The following PLEKHA5 variants were observed in gnomAD, a reference collection of about 807,000 sequenced individuals.
PLEKHA5 encodes pleckstrin homology domain-containing family A member 5.
A neutral mutation model predicts 181.9 loss-of-function variants in PLEKHA5; 55 were observed. The observed-to-expected ratio is 0.30, with a 90% confidence interval of 0.24 to 0.38. The LOEUF (loss-of-function observed/expected upper bound fraction) is 0.38. PLEKHA5 is among the 10% of genes least tolerant of loss of function. The probability of loss-of-function intolerance (pLI) is 1.00; values close to 1 mark genes in which losing one functional copy is unlikely to be tolerated. For synonymous variants in PLEKHA5, 535 were observed against 529.4 expected (o/e 1.01, Z -0.15); for missense variants, 1,432 against 1,549.5 (o/e 0.92, Z 1.27).
intron 15 of PLEKHA5, chr12:19,303,893 GCAGCCTCAAC>G (rs1306012895): frequency 3.0e-5 from 4 of 131,880 alleles, no homozygotes; most frequent in African/African-American, 1.1e-4. Context: ...ATGGCTCACT[GCAGCCTCAAC>G]CCCCTAGGCT....
intron 20 of PLEKHA5, among the ~76,000 whole-genome samples, chr12:19,330,022 TC>T: frequency 1.3e-5 from 2 of 151,752 alleles, no homozygotes; most frequent in Middle Eastern, 3.4e-3. Flanking sequence ...CCCAGAGAGG[TC>T]CCGGACAACA....
At chr12:19,318,882 C>CT (rs1305001533) in intron 16 of PLEKHA5, among the ~76,000 whole-genome samples, 1 of 152,202 alleles carries the variant, frequency 6.6e-6, no homozygotes, top group African/African-American at 2.4e-5. Context: ...GATCGCACCA[C>CT]TGCACTCCAG....
In PLEKHA5 at chr12:19,146,726, T is replaced by G. The variant is rs547821689; in HGVS notation, c.227+14276T>G. Among the ~76,000 whole-genome samples the G allele has an allele frequency of 5.3e-5, 8 of 152,216 alleles. No homozygotes were observed. In the South Asian group the frequency reaches 1.7e-3, roughly 32 times the overall value. On this transcript the variant is annotated intron_variant, in intron 3 of 31. Transcript: ENST00000429027. ...CAGAACATAATATACCTTAGACCAG[T>G]TAGAGTTGCCAACAGGAATATGCTC...
intron 3 of PLEKHA5, among the ~76,000 whole-genome samples, chr12:19,196,063 GT>G (rs1410312201): frequency 3.9e-5 from 6 of 152,008 alleles, no homozygotes; most frequent in East Asian, 3.9e-4. Context: ...CAATAGTTAT[GT>G]TTTTTTCCAT....
At chr12:19,143,691 C>T (rs913591331) in intron 3 of PLEKHA5, among the ~76,000 whole-genome samples, 1 of 151,982 alleles carries the variant, frequency 6.6e-6, no homozygotes, top group Admixed American at 6.6e-5. Flanking sequence ...TTCACATTGA[C>T]AGTTAATATG....
In PLEKHA5 at chr12:19,208,058, ACT is replaced by A. The variant is rs1368791021; in HGVS notation, c.228-45878_228-45877del. On this transcript the variant is annotated intron_variant, in intron 3 of 31. Coordinates refer to ENST00000429027, the MANE Select transcript of PLEKHA5 (RefSeq NM_001256470.2). ...ACTCATTCTCTACTCTAGAGAACCT[ACT>A]CTCATACTCTAAAGAACCTAGCATG... 5.9e-5 allele frequency among the ~76,000 whole-genome samples: 9 copies of A among 152,156 alleles called. No homozygotes were observed. The South Asian group carries it at 1.9e-3, about 32-fold the overall frequency.
intron 3 of PLEKHA5, among the ~76,000 whole-genome samples, chr12:19,218,146 A>G (rs1356628853): frequency 6.6e-6 from 1 of 152,160 alleles, no homozygotes; most frequent in African/African-American, 2.4e-5. Flanking sequence ...TCGAAGCTTA[A>G]GAATAGTTGA....
chr12:19,323,063 A>T (rs537313195), intron 20 of PLEKHA5, among the ~76,000 whole-genome samples: 2 of 119,360 alleles, frequency 1.7e-5, no homozygotes, highest in East Asian at 4.9e-4. Flanking sequence ...GGGCCTCACT[A>T]TGTTGCCCAG....
chr12:19,143,119 T>C (rs1278891192), intron 3 of PLEKHA5, among the ~76,000 whole-genome samples: 1 of 152,210 alleles, frequency 6.6e-6, no homozygotes, highest in Non-Finnish European at 1.5e-5. Context: ...AGGTGGCAAT[T>C]CATTTCTTTT....
At chr12:19,207,192 TTGA>T (rs1448726550) in intron 3 of PLEKHA5, 1 of 152,152 alleles carries the variant, frequency 6.6e-6, no homozygotes, top group Non-Finnish European at 1.5e-5. Flanking sequence ...CACTGTAAAC[TTGA>T]TGATCACAAA....
chr12:19,311,613 T>C (rs2086595024), intron 15 of PLEKHA5, among the ~76,000 whole-genome samples: 1 of 152,200 alleles, frequency 6.6e-6, no homozygotes, highest in Admixed American at 6.5e-5. Context: ...TGCTCATCCA[T>C]AAGATGCAGT....
intron 3 of PLEKHA5, chr12:19,200,781 T>C (rs1185051817): frequency 1.8e-5 from 12 of 648,838 alleles, no homozygotes; most frequent in Non-Finnish European, 2.1e-5. Flanking sequence ...AATGATGTTA[T>C]GATAATTAGA....
chr12:19,263,385 G>A (rs1190454705), intron 7 of PLEKHA5, among the ~76,000 whole-genome samples: 2 of 152,102 alleles, frequency 1.3e-5, no homozygotes, highest in East Asian at 3.9e-4. Context: ...TCTGACTCCA[G>A]AGCTGACACT....
chr12:19,352,386 A>G (rs995565531), intron 25 of PLEKHA5, among the ~76,000 whole-genome samples: 1 of 148,844 alleles, frequency 6.7e-6, no homozygotes, highest in Non-Finnish European at 1.5e-5. Context: ...CTCCATCTCA[A>G]AAAAAAAAAA....
In PLEKHA5 at chr12:19,263,174, A is replaced by T. The variant is rs924071819; in HGVS notation, c.610+2153A>T. ...TCAGTGAGATCATAATAGCCTATAT[A>T]TTTTTTTTTGCATATTTAGTATTTG... On this transcript the variant is annotated intron_variant, in intron 7 of 31. Coordinates refer to ENST00000429027, the MANE Select transcript of PLEKHA5 (RefSeq NM_001256470.2). Among the ~76,000 whole-genome samples, 16 of 151,380 alleles carry T rather than the reference A, an allele frequency of 1.1e-4. No homozygotes were observed. The East Asian group carries it at 1.4e-3, about 13-fold the overall frequency.
At chr12:19,368,091 C>T (rs2095481102) in intron 30 of PLEKHA5, among the ~76,000 whole-genome samples, 1 of 151,902 alleles carries the variant, frequency 6.6e-6, no homozygotes, top group Non-Finnish European at 1.5e-5. Flanking sequence ...ATAAAATAAA[C>T]TTTATTTAAT....
intron 11 of PLEKHA5, among the ~76,000 whole-genome samples, chr12:19,281,693 A>G (rs1304282303): frequency 1.3e-5 from 2 of 152,054 alleles, no homozygotes; most frequent in Non-Finnish European, 2.9e-5. Context: ...TTTTTATATC[A>G]TGAATTTCAC....
Position 19,358,213 on chromosome 12 carries a change from AT to A in PLEKHA5, c.3139-10del. On this transcript the variant is annotated splice_polypyrimidine_tract_variant and intron_variant, in intron 26 of 31. Transcript: ENST00000429027. Reference sequence around the variant, plus strand: ...TTTTCATTTATGTATTGATATGTTCATTTTTACATTGAAGGAAAGACCAAGA... The same window carrying A: ...TTTTCATTTATGTATTGATATGTTCATTTTACATTGAAGGAAAGACCAAGA... 1.3e-6 allele frequency: 2 copies of A among 1,584,632 alleles called. No individual in the cohort carries two copies. The highest frequency in any genetic ancestry group is 1.7e-6 in the Non-Finnish European group (2 of 1,155,070).
At chr12:19,357,284 C>T (rs116065936) in intron 26 of PLEKHA5, among the ~76,000 whole-genome samples, 150 of 137,124 alleles carry the variant, frequency 1.1e-3, no homozygotes, top group African/African-American at 3.1e-3. Flanking sequence ...GAGACAGACT[C>T]TCACTCATTG....
Sources: allele counts gnomAD v4.1 joint callset (sites outside exome capture counted in the v4.1 genomes callset), GRCh38; gene constraint gnomAD v4.1.1; transcripts MANE v1.5; gene names NCBI Gene and HGNC (gene_info 2026-07-23, HGNC 2026-07-21).